The following KIAA1217 variants were observed in gnomAD, a reference collection of about 807,000 sequenced individuals.
The protein encoded by KIAA1217 is sickle tail protein homolog.
KIAA1217 carries 88 observed loss-of-function variants against 163.9 expected under a neutral mutation model. That is an observed-to-expected ratio of 0.54 (90% CI 0.45 to 0.64). The LOEUF (loss-of-function observed/expected upper bound fraction) is 0.64, where lower values mean the gene tolerates loss of function less well. Among genes scored for constraint, KIAA1217 ranks in the 30% least tolerant of loss-of-function variants. The probability of loss-of-function intolerance (pLI) is 0.00; values close to 1 mark genes in which losing one functional copy is unlikely to be tolerated. For synonymous variants in KIAA1217, 903 were observed against 923.1 expected, an observed-to-expected ratio of 0.98 and a Z score of 0.39; for missense variants, 2,372 against 2,475.0, an observed-to-expected ratio of 0.96 and a Z score of 0.88.
At chr10:24,235,891 T>G (rs2072183545) in intron 2 of KIAA1217, among the ~76,000 whole-genome samples, 1 of 152,212 alleles carries the variant, frequency 6.6e-6, no homozygotes, top group Admixed American at 6.5e-5. Context: ...CTTCGTTTAG[T>G]TAGGCTCTTA....
chr10:23,751,196 T>G (rs1839720782), intron 1 of KIAA1217, among the ~76,000 whole-genome samples: 1 of 152,008 alleles, frequency 6.6e-6, no homozygotes, highest in Non-Finnish European at 1.5e-5. Flanking sequence ...CCGGGCTGAA[T>G]TTTTTATTTT....
chr10:24,011,235 C>A (rs1847224392), intron 2 of KIAA1217, among the ~76,000 whole-genome samples: 1 of 152,076 alleles, frequency 6.6e-6, no homozygotes, highest in African/African-American at 2.4e-5. Context: ...CCTATAGTCC[C>A]AACATTTTGG....
At chr10:24,535,976 C>T (rs2073948294) in intron 16 of KIAA1217, among the ~76,000 whole-genome samples, 1 of 152,028 alleles carries the variant, frequency 6.6e-6, no homozygotes, top group South Asian at 2.1e-4. Context: ...TTGAGAACCA[C>T]TGTTGTCCAT....
At chr10:24,195,101 C>T (rs1162574760) in intron 2 of KIAA1217, among the ~76,000 whole-genome samples, 2 of 152,086 alleles carry the variant, frequency 1.3e-5, no homozygotes, top group Non-Finnish European at 2.9e-5. Flanking sequence ...CAGATTCCTC[C>T]AGGCAACCCT....
intron 2 of KIAA1217, 69 bp downstream of exon 2, chr10:24,219,978 C>T: frequency 6.9e-7 from 1 of 1,458,556 alleles, no homozygotes; most frequent in Non-Finnish European, 9.2e-7. Context: ...AGCAAACTTA[C>T]TTTCTTTGTA....
intron 1 of KIAA1217, among the ~76,000 whole-genome samples, chr10:23,773,150 G>T (rs1479813503): frequency 6.6e-6 from 1 of 152,196 alleles, no homozygotes. Flanking sequence ...ATTCATTAAT[G>T]ATTATCTTCA....
intron 3 of KIAA1217, among the ~76,000 whole-genome samples, chr10:24,419,960 G>A (rs1007277813): frequency 6.6e-5 from 10 of 151,788 alleles, no homozygotes; most frequent in East Asian, 5.8e-4. Context: ...ATTTGTTACC[G>A]CTGTTAACTG....
chr10:23,703,274 G>C (rs1252264071), intron 1 of KIAA1217, among the ~76,000 whole-genome samples: 1 of 152,104 alleles, frequency 6.6e-6, no homozygotes, highest in Non-Finnish European at 1.5e-5. Context: ...GAGTGGTGGA[G>C]GGAGGATCAG....
chr10:23,983,465 A>G (rs1462699236), intron 1 of KIAA1217, among the ~76,000 whole-genome samples: 1 of 152,176 alleles, frequency 6.6e-6, no homozygotes, highest in Non-Finnish European at 1.5e-5. Flanking sequence ...AGAAGCAGGC[A>G]CATCTTACAT....
At chr10:24,374,569 C>G (rs762355701) in intron 2 of KIAA1217, among the ~76,000 whole-genome samples, 1 of 152,204 alleles carries the variant, frequency 6.6e-6, no homozygotes, top group Non-Finnish European at 1.5e-5. Context: ...AACTACAGTT[C>G]TCTTCTCCAT....
chr10:24,266,377 C>A (rs896705647), intron 2 of KIAA1217, among the ~76,000 whole-genome samples: 2 of 152,156 alleles, frequency 1.3e-5, no homozygotes, highest in Non-Finnish European at 2.9e-5. Context: ...CCATGCTCGA[C>A]CTAAAGACTG....
chr10:24,439,331 G>A (rs1157912844), intron 5 of KIAA1217, among the ~76,000 whole-genome samples: 2 of 152,126 alleles, frequency 1.3e-5, no homozygotes, highest in Non-Finnish European at 2.9e-5. Flanking sequence ...CTTTTCTACA[G>A]ATTAGCACTT....
At chr10:24,029,758 C>A (rs1023101489) in intron 2 of KIAA1217, among the ~76,000 whole-genome samples, 1 of 152,180 alleles carries the variant, frequency 6.6e-6, no homozygotes, top group East Asian at 1.9e-4. Flanking sequence ...TGATCTCTAG[C>A]CTTGCCCATG....
At chr10:23,938,538 A>C (rs1843627353) in intron 1 of KIAA1217, among the ~76,000 whole-genome samples, 1 of 152,216 alleles carries the variant, frequency 6.6e-6, no homozygotes, top group African/African-American at 2.4e-5. Flanking sequence ...AAAAAGATAC[A>C]AATTTTAAAA....
intron 1 of KIAA1217, among the ~76,000 whole-genome samples, chr10:23,922,962 T>C (rs1186155229): frequency 6.6e-6 from 1 of 152,160 alleles, no homozygotes; most frequent in Non-Finnish European, 1.5e-5. Context: ...TTTATTTTAA[T>C]AGTTTTGGGG....
At chr10:24,545,529 A>G in intron 20 of KIAA1217, 1 of 1,317,914 alleles carries the variant, frequency 7.6e-7, no homozygotes. Flanking sequence ...CCCCCACCCC[A>G]GTAATTATCC....
At chr10:23,774,379 C>A (rs1834922618) in intron 1 of KIAA1217, among the ~76,000 whole-genome samples, 1 of 152,150 alleles carries the variant, frequency 6.6e-6, no homozygotes, top group African/African-American at 2.4e-5. Context: ...AGACAGGTAC[C>A]CCCATCCTAG....
At chr10:23,988,886 A>G (rs1318730694) in intron 1 of KIAA1217, among the ~76,000 whole-genome samples, 4 of 152,234 alleles carry the variant, frequency 2.6e-5, no homozygotes, top group Non-Finnish European at 5.9e-5. Flanking sequence ...TGAATGTGCT[A>G]TAAAATTTTA....
At chr10:24,294,893 T>C (rs1484782090) in intron 2 of KIAA1217, among the ~76,000 whole-genome samples, 3 of 152,186 alleles carry the variant, frequency 2.0e-5, no homozygotes, top group Non-Finnish European at 2.9e-5. Flanking sequence ...AGTCTGGGAA[T>C]TGGAGAATTT....
Sources: allele counts gnomAD v4.1 joint callset (sites outside exome capture counted in the v4.1 genomes callset), GRCh38; gene constraint gnomAD v4.1.1; transcripts MANE v1.5; gene names NCBI Gene and HGNC (gene_info 2026-07-23, HGNC 2026-07-21).